Variants in RANBP10 observed in about 807,000 individuals in gnomAD.
RANBP10 encodes the protein ran-binding protein 10.
A neutral mutation model predicts 72.8 loss-of-function variants in RANBP10; 24 were observed. The observed-to-expected ratio is 0.33, with a 90% CI of 0.24 to 0.46. RANBP10 has a LOEUF of 0.46. Ranked by LOEUF, RANBP10 falls within the 20% of genes least tolerant of loss-of-function variation. The pLI is 1.00. For missense variants in RANBP10, 679 were observed against 817.5 expected (o/e 0.83, Z 2.07); for synonymous variants, 310 against 322.3 (o/e 0.96, Z 0.41).
rs1278382300 is a variant in RANBP10, at chr16:67,789,325, T to A, written c.347+16103A>T. On this transcript the variant is annotated intron_variant, in intron 2 of 13. Transcript: ENST00000317506. ...ACTCCATCTCAAAAAAAAAAAAAAATGTACCCAGGCATGGTGGCATATGCC... is the reference window on the plus strand; with the variant it reads ...ACTCCATCTCAAAAAAAAAAAAAAAAGTACCCAGGCATGGTGGCATATGCC... Among the ~76,000 whole-genome samples, 24 of 146,228 alleles carry A rather than the reference T, an allele frequency of 1.6e-4. 1 individual carries two copies. In the East Asian group the frequency reaches 4.2e-3, roughly 26 times the overall value.
intron 2 of RANBP10, among the ~76,000 whole-genome samples, chr16:67,798,893 G>A (rs1258383051): frequency 2.0e-5 from 3 of 152,050 alleles, no homozygotes; most frequent in Non-Finnish European, 4.4e-5. Context: ...TCAAGATACA[G>A]CCCACGCTCC....
intron 11 of RANBP10, 67 bp from the exon 12 acceptor site, chr16:67,727,963 G>A: frequency 6.4e-7 from 1 of 1,566,698 alleles, no homozygotes; most frequent in East Asian, 2.3e-5. Flanking sequence ...ACTAGGGTGG[G>A]GCAGGAAGGA....
intron 3 of RANBP10, among the ~76,000 whole-genome samples, chr16:67,745,705 C>T (rs550901336): frequency 1.5e-3 from 211 of 138,444 alleles, no homozygotes; most frequent in Non-Finnish European, 2.8e-3. Flanking sequence ...ACCACCACCA[C>T]GATCAACACA....
Position 67,731,031 on chromosome 16 carries a change from A to G in RANBP10, c.889+441T>C, listed in dbSNP as rs112266040. 8.1e-3 allele frequency: 1,479 copies of G among 182,732 alleles called. 21 individuals are homozygous for G. Among genetic ancestry groups the G allele is most frequent in the African/African-American group, 0.033 (1,376 of 42,038 alleles). 11.3% of individuals were successfully genotyped at this position (182,732 alleles called of 1,614,324 possible). ...GGGGAGCAGAGGGTAGTGCCCCCAC[A>G]GCAGCCATTGAGCACTGGCTTTGCC... On this transcript the variant is annotated intron_variant, in intron 7 of 13. Coordinates refer to ENST00000317506, the MANE Select transcript of RANBP10 (RefSeq NM_020850.3).
chr16:67,794,930 T>TAAAAAAA (rs1239858200), intron 2 of RANBP10, among the ~76,000 whole-genome samples: 1 of 54,292 alleles, frequency 1.8e-5, no homozygotes, highest in Admixed American at 2.1e-4. Flanking sequence ...TGCCTCAAAT[T>TAAAAAAA]AAAAAAAAAA....
rs750691511 is a variant in RANBP10, at chr16:67,805,451, C to T, written c.324G>A (p.Lys108=). 2 of 1,614,110 alleles carry T rather than the reference C, an allele frequency of 1.2e-6. No homozygotes were observed. The highest frequency in any genetic ancestry group is 2.2e-5 in the East Asian group (1 of 44,884). The change falls in exon 2 of 14, where the codon AAG becomes AAA. Residue 108 remains lysine (K), a synonymous_variant. Transcript: ENST00000317506. ...ACCCATCTCTTCCTTTGCTGACAATCTTCACTTCAAAGTAATAAATGCCAC... is the reference window on the plus strand; with the variant it reads ...ACCCATCTCTTCCTTTGCTGACAATTTTCACTTCAAAGTAATAAATGCCAC... ...AACGIYYFEV[K]IVSKGRDGYM...
At chr16:67,737,906 T>G in intron 5 of RANBP10, 107 bp downstream of exon 5, 4 of 1,398,056 alleles carry the variant, frequency 2.9e-6, no homozygotes, top group Non-Finnish European at 4.0e-6. Context: ...ACATCCCTGG[T>G]TGGGGAAAGA....
intron 3 of RANBP10, among the ~76,000 whole-genome samples, chr16:67,749,391 C>T (rs1043994655): frequency 6.6e-6 from 1 of 152,226 alleles, no homozygotes; most frequent in Admixed American, 6.5e-5. Flanking sequence ...GGTGGAGGCC[C>T]TCAGCCCTGC....
In RANBP10 at chr16:67,772,109, A is replaced by C. The variant is rs756317724; in HGVS notation, c.348-23T>G. 3.8e-4 allele frequency: 606 copies of C among 1,587,808 alleles called. No homozygotes were observed. Among genetic ancestry groups the C allele is most frequent in the East Asian group, 1.5e-3 (67 of 44,784 alleles). On this transcript the variant is annotated intron_variant, in intron 2 of 13. Coordinates refer to ENST00000317506, the MANE Select transcript of RANBP10 (RefSeq NM_020850.3). ...TAACTTCAAAAAAAAAAAAAAAAAAAACACAAAATTTTTGGTTAGCAAATG... is the reference window on the plus strand; with the variant it reads ...TAACTTCAAAAAAAAAAAAAAAAAACACACAAAATTTTTGGTTAGCAAATG...
At position 67,731,480 on chromosome 16, in the gene RANBP10, T is replaced by C. The variant is rs143565587; in HGVS notation, c.881A>G (p.Asn294Ser). The change falls in exon 7 of 14, where the codon AAC (asparagine) becomes AGC (serine). Residue 294 changes from asparagine to serine, a missense_variant. Transcript: ENST00000317506. ...PIQEEQASIK[N>S]RQKIQKLVLE... ...AGTAGAATAAACCTTACTTTGTCTG[T>C]TCTTTATGGACGCCTGTTCTTCCTG... is the stretch of plus-strand genomic sequence containing the variant. 2.3e-4 allele frequency: 370 copies of C among 1,612,506 alleles called. 2 individuals carry two copies. Among genetic ancestry groups the C allele is most frequent in the Non-Finnish European group, 2.9e-4 (341 of 1,178,614 alleles).
At chr16:67,780,245 C>A (rs1225801738) in intron 2 of RANBP10, among the ~76,000 whole-genome samples, 18 of 150,008 alleles carry the variant, frequency 1.2e-4, no homozygotes, top group South Asian at 2.1e-4. Flanking sequence ...AACAAACAAA[C>A]AAACAAAAAA....
intron 3 of RANBP10, among the ~76,000 whole-genome samples, chr16:67,755,063 C>T (rs926709575): frequency 2.6e-5 from 4 of 152,128 alleles, no homozygotes; most frequent in African/African-American, 4.8e-5. Flanking sequence ...GAGCACCAAG[C>T]AGGTACTTGT....
chr16:67,726,736 C>T (rs529774252), intron 13 of RANBP10, among the ~76,000 whole-genome samples, 178 bp from the exon 14 acceptor site: 2 of 152,342 alleles, frequency 1.3e-5, no homozygotes, highest in East Asian at 3.9e-4. Context: ...ATGCCAGGAA[C>T]CTGAGGACCT....
At chr16:67,759,259 G>C (rs1018516997) in intron 3 of RANBP10, among the ~76,000 whole-genome samples, 1 of 152,220 alleles carries the variant, frequency 6.6e-6, no homozygotes, top group East Asian at 1.9e-4. Context: ...AGAAACAACA[G>C]AATGAGAAAG....
At chr16:67,768,508 G>C (rs1252242076) in intron 3 of RANBP10, among the ~76,000 whole-genome samples, 1 of 151,808 alleles carries the variant, frequency 6.6e-6, no homozygotes, top group African/African-American at 2.4e-5. Flanking sequence ...GTGACAGAGT[G>C]AGACTCTGTC....
chr16:67,773,087 T>G (rs763976278), intron 2 of RANBP10, among the ~76,000 whole-genome samples: 2 of 152,220 alleles, frequency 1.3e-5, no homozygotes, highest in African/African-American at 2.4e-5. Flanking sequence ...CCAAATCTCA[T>G]GTAGACATGT....
Position 67,729,903 on chromosome 16 carries a change from G to A in RANBP10, c.998+35C>T, listed in dbSNP as rs914702835. ...TTCCCACCACCAGCTGAGAGGGGCT[G>A]GACTCTGGGGGAGCTGGGGGTGCCC... On this transcript the variant is annotated intron_variant, in intron 8 of 13. Coordinates refer to ENST00000317506, the MANE Select transcript of RANBP10 (RefSeq NM_020850.3). The surrounding 1 kb of genome is among the most constrained non-coding windows in gnomAD (Gnocchi z 7.1). 6.2e-7 allele frequency: 1 copy of A among 1,613,624 alleles called. No individual in the cohort carries two copies. Among genetic ancestry groups the A allele is most frequent in the Non-Finnish European group, 8.5e-7 (1 of 1,179,904 alleles).
At chr16:67,778,515 A>T (rs2054752285) in intron 2 of RANBP10, among the ~76,000 whole-genome samples, 1 of 152,236 alleles carries the variant, frequency 6.6e-6, no homozygotes, top group East Asian at 1.9e-4. Flanking sequence ...ACAAAAGCAC[A>T]GGCAACAAGA....
intron 2 of RANBP10, among the ~76,000 whole-genome samples, chr16:67,782,460 T>C (rs2054830591): frequency 6.6e-6 from 1 of 151,506 alleles, no homozygotes; most frequent in Admixed American, 6.6e-5. Flanking sequence ...TTTATTTTAT[T>C]ATTTTTTTAG....
Sources: gnomAD v4.1 joint callset for allele counts (sites outside exome capture counted in the v4.1 genomes callset) on GRCh38, gnomAD v4.1.1 for gene constraint, Gnocchi (gnomAD v3.1) non-coding constraint, MANE v1.5 for transcripts, NCBI Gene and HGNC (gene_info 2026-07-23, HGNC 2026-07-21) for gene names.